Variants in ZNF618 observed in about 807,000 individuals in gnomAD.
ZNF618 encodes the protein zinc finger protein 618, also known as neural precursor cell expressed, developmentally down-regulated 10.
Under a neutral mutation model 103.0 loss-of-function variants are expected in ZNF618, and 34 were observed. The observed-to-expected ratio is 0.33, with a 90% CI of 0.25 to 0.44. ZNF618 has a LOEUF of 0.44. Among genes scored for constraint, ZNF618 ranks in the 20% least tolerant of loss-of-function variants. The pLI, the probability that ZNF618 is intolerant of heterozygous loss-of-function variation, is 1.00. For missense variants in ZNF618, 1,059 were observed against 1,295.4 expected (o/e 0.82, Z 2.80); for synonymous variants, 551 against 542.2 (o/e 1.02, Z -0.23).
At chr9:113,993,223 G>A (rs917878512) in intron 3 of ZNF618, among the ~76,000 whole-genome samples, 1 of 152,148 alleles carries the variant, frequency 6.6e-6, no homozygotes, top group African/African-American at 2.4e-5. Context: ...CATTGCTCCT[G>A]CCGTGCCAAG....
intron 4 of ZNF618, among the ~76,000 whole-genome samples, chr9:114,000,054 C>T (rs951746206): frequency 8.5e-5 from 13 of 152,294 alleles, no homozygotes; most frequent in East Asian, 5.8e-4. Flanking sequence ...TCATCTTTGT[C>T]CTCCACGTGA....
At chr9:113,887,037 A>G (rs1412030158) in intron 1 of ZNF618, among the ~76,000 whole-genome samples, 1 of 126,072 alleles carries the variant, frequency 7.9e-6, no homozygotes, top group African/African-American at 3.1e-5. Context: ...AATTCCCTCC[A>G]TGGCTCATAT....
At chr9:113,903,253 G>T (rs747943913) in intron 1 of ZNF618, among the ~76,000 whole-genome samples, 3 of 152,140 alleles carry the variant, frequency 2.0e-5, no homozygotes, top group Non-Finnish European at 2.9e-5. Flanking sequence ...GTGGAATGAA[G>T]AATAAGAATG....
chr9:113,959,448 G>A (rs528995321), intron 1 of ZNF618, among the ~76,000 whole-genome samples: 20 of 152,320 alleles, frequency 1.3e-4, no homozygotes, highest in Admixed American at 2.6e-4. Flanking sequence ...GTTATAGTAC[G>A]TGTTGGACTC....
At chr9:114,006,262 G>A (rs1190004353) in intron 6 of ZNF618, among the ~76,000 whole-genome samples, 5 of 152,230 alleles carry the variant, frequency 3.3e-5, no homozygotes, top group Non-Finnish European at 7.3e-5. Context: ...CTGATTTGCA[G>A]CTTATTCAGA....
chr9:113,955,106 T>C (rs1361837614), intron 1 of ZNF618, among the ~76,000 whole-genome samples: 2 of 151,922 alleles, frequency 1.3e-5, no homozygotes, highest in African/African-American at 2.4e-5. Flanking sequence ...CAAATCCTTA[T>C]ATTAAATTGC....
chr9:113,999,812 C>T (rs948974324), intron 4 of ZNF618, among the ~76,000 whole-genome samples: 1 of 152,242 alleles, frequency 6.6e-6, no homozygotes, highest in African/African-American at 2.4e-5. Context: ...ACAGGGAGCA[C>T]ACCTTGCTCA....
intron 1 of ZNF618, among the ~76,000 whole-genome samples, chr9:113,895,368 A>C (rs1348193090): frequency 1.3e-5 from 2 of 152,108 alleles, no homozygotes; most frequent in African/African-American, 4.8e-5. Context: ...GATGAATTAT[A>C]TTAATAGATT....
At chr9:114,042,251 C>T (rs933491681) in intron 13 of ZNF618, among the ~76,000 whole-genome samples, 3 of 152,180 alleles carry the variant, frequency 2.0e-5, no homozygotes, top group Non-Finnish European at 2.9e-5. Context: ...GGTTTCTTTA[C>T]AGTTTATTTT....
At chr9:114,029,425 C>T (rs534020011) in intron 11 of ZNF618, among the ~76,000 whole-genome samples, 1 of 152,284 alleles carries the variant, frequency 6.6e-6, no homozygotes, top group East Asian at 1.9e-4. Flanking sequence ...GATTGGCTGC[C>T]TCCTTGAGTA....
rs758758604 is a variant in ZNF618, at chr9:114,008,340, G to T, written c.641-4G>T. On this transcript the variant is annotated splice_polypyrimidine_tract_variant and splice_region_variant and intron_variant, in intron 7 of 14. Coordinates refer to ENST00000374126, the MANE Select transcript of ZNF618 (RefSeq NM_001318042.2). ...TGCGGCTGCCGCCTCCTGCCCGGGC[G>T]CAGTGTTTAGTGTGGAAGGGGCCCC... is the stretch of plus-strand genomic sequence containing the variant. 2 of 1,613,724 alleles carry T rather than the reference G, an allele frequency of 1.2e-6. No individual in the cohort carries two copies. The highest frequency in any genetic ancestry group is 1.7e-6 in the Non-Finnish European group (2 of 1,179,880).
At chr9:113,989,534 G>A (rs565750515) in intron 3 of ZNF618, among the ~76,000 whole-genome samples, 1 of 152,166 alleles carries the variant, frequency 6.6e-6, no homozygotes, top group Admixed American at 6.5e-5. Context: ...TGCCTGGTCT[G>A]GCTCCAGATT....
At chr9:113,947,863 G>A (rs1056763283) in intron 1 of ZNF618, among the ~76,000 whole-genome samples, 10 of 152,122 alleles carry the variant, frequency 6.6e-5, no homozygotes, top group South Asian at 2.1e-4. Context: ...CCTCTTCTCC[G>A]TGCAAGAAAA....
intron 6 of ZNF618, among the ~76,000 whole-genome samples, chr9:114,005,135 G>T (rs912699195): frequency 1.3e-5 from 2 of 152,158 alleles, no homozygotes; most frequent in African/African-American, 4.8e-5. Context: ...GGAAACCGAG[G>T]TGCAGAGGTT....
chr9:113,943,693 A>G (rs1834750702), intron 1 of ZNF618, among the ~76,000 whole-genome samples: 1 of 151,770 alleles, frequency 6.6e-6, no homozygotes, highest in Non-Finnish European at 1.5e-5. Flanking sequence ...GTCTTATAAA[A>G]CCCGAAAGTC....
rs564209618 is a variant in ZNF618 at position 113,878,879 on chromosome 9, A to G, written c.33+2466A>G. Among the ~76,000 whole-genome samples the G allele has an allele frequency of 4.6e-5, 7 of 152,292 alleles. No homozygotes were observed. The South Asian group carries it at 8.3e-4, about 18-fold the overall frequency. ...TAAGTCAAATATATTATCTCTGTGAAATATATTTGACAATGGCAGAGGTTT... is the reference window on the plus strand; with the variant it reads ...TAAGTCAAATATATTATCTCTGTGAGATATATTTGACAATGGCAGAGGTTT... On this transcript the variant is annotated intron_variant, in intron 1 of 14. Coordinates refer to ENST00000374126, the MANE Select transcript of ZNF618 (RefSeq NM_001318042.2).
intron 1 of ZNF618, among the ~76,000 whole-genome samples, chr9:113,917,922 T>C (rs1832273965): frequency 6.6e-6 from 1 of 152,220 alleles, no homozygotes; most frequent in African/African-American, 2.4e-5. Flanking sequence ...ATTGGATTAA[T>C]ATAATACTGT....
At chr9:114,042,732 A>T (rs1845323541) in intron 13 of ZNF618, among the ~76,000 whole-genome samples, 1 of 152,328 alleles carries the variant, frequency 6.6e-6, no homozygotes, top group East Asian at 1.9e-4. Flanking sequence ...TAGGAGGCTC[A>T]GGTGGAGGAT....
At chr9:113,951,103 G>A (rs78295588) in intron 1 of ZNF618, among the ~76,000 whole-genome samples, 5,993 of 151,812 alleles carry the variant, frequency 0.039, 172 homozygotes, top group Middle Eastern at 0.075. Context: ...TTGGAGGCTA[G>A]AAGGCCAGTT....
Sources: allele counts gnomAD v4.1 joint callset (sites outside exome capture counted in the v4.1 genomes callset), GRCh38; gene constraint gnomAD v4.1.1; transcripts MANE v1.5; gene names NCBI Gene and HGNC (gene_info 2026-07-23, HGNC 2026-07-21).